The following RGS10 variants were observed in gnomAD, a reference collection of about 807,000 sequenced individuals.
RGS10 encodes regulator of G-protein signalling 10.
A neutral mutation model predicts 23.5 loss-of-function variants in RGS10; 11 were observed. The ratio of observed to expected loss-of-function variants is 0.47; its 90% CI spans 0.29 to 0.77. RGS10 has a LOEUF of 0.77. Among genes scored for constraint, RGS10 ranks in the 30% least tolerant of loss-of-function variants. The probability of loss-of-function intolerance (pLI) is 0.08; values close to 1 mark genes in which losing one functional copy is unlikely to be tolerated. For synonymous variants in RGS10, 77 were observed against 83.2 expected, an observed-to-expected ratio of 0.92 and a Z score of 0.41; for missense variants, 180 against 226.3, an observed-to-expected ratio of 0.80 and a Z score of 1.31.
intron 4 of RGS10, among the ~76,000 whole-genome samples, chr10:119,513,562 G>C (rs1470437894): frequency 1.3e-5 from 2 of 151,914 alleles, no homozygotes; most frequent in Non-Finnish European, 2.9e-5. Flanking sequence ...TTCTGTGCTG[G>C]CTAAGCCTCC....
chr10:119,536,631 G>T, intron 1 of RGS10: 1 of 753,800 alleles, frequency 1.3e-6, no homozygotes. Context: ...CTAAACAACA[G>T]ATGGCCACTG....
At chr10:119,509,757 CA>C (rs1430793897) in intron 4 of RGS10, among the ~76,000 whole-genome samples, 1 of 152,150 alleles carries the variant, frequency 6.6e-6, no homozygotes, top group Non-Finnish European at 1.5e-5. Context: ...AGTATTTGCC[CA>C]AAGCCCCATG....
intron 4 of RGS10, among the ~76,000 whole-genome samples, chr10:119,501,981 C>A (rs1843957874): frequency 6.6e-6 from 1 of 152,056 alleles, no homozygotes; most frequent in Admixed American, 6.6e-5. Context: ...GCCTGCCCAT[C>A]CCCTGGTGCC....
At chr10:119,541,121 G>A (rs762376710) in intron 1 of RGS10, among the ~76,000 whole-genome samples, 4 of 152,208 alleles carry the variant, frequency 2.6e-5, no homozygotes, top group South Asian at 2.1e-4. Flanking sequence ...TCACTGAAAC[G>A]GAGGCACAGA....
chr10:119,539,158 C>T (rs1034104028), intron 1 of RGS10, among the ~76,000 whole-genome samples: 1 of 152,196 alleles, frequency 6.6e-6, no homozygotes, highest in Non-Finnish European at 1.5e-5. Context: ...CAAGGCCCTT[C>T]GGCTGGCCCC....
chr10:119,535,129 C>T (rs2133960749), intron 1 of RGS10, among the ~76,000 whole-genome samples: 2 of 152,208 alleles, frequency 1.3e-5, no homozygotes, highest in African/African-American at 4.8e-5. Flanking sequence ...CGCTCTTTAC[C>T]AAGGGCTCTA....
Position 119,500,768 on chromosome 10 carries a change from C to T in RGS10, c.400-509G>A, listed in dbSNP as rs188357394. 1.4e-3 allele frequency among the ~76,000 whole-genome samples: 210 copies of T among 151,052 alleles called. 1 individual carries two copies. Among genetic ancestry groups the T allele is most frequent in the African/African-American group, 4.8e-3 (197 of 41,086 alleles). Reference sequence around the variant, plus strand: ...TATTGTACCAGGAGTCAAAATGAGGCGTGCTCACTGCAGGGCAGGGCAGCA... The same window carrying T: ...TATTGTACCAGGAGTCAAAATGAGGTGTGCTCACTGCAGGGCAGGGCAGCA... On this transcript the variant is annotated intron_variant, in intron 4 of 4. Coordinates refer to ENST00000369103, the MANE Select transcript of RGS10 (RefSeq NM_001005339.2).
intron 1 of RGS10, among the ~76,000 whole-genome samples, chr10:119,536,862 A>T (rs185661616): frequency 4.6e-5 from 7 of 151,714 alleles, no homozygotes; most frequent in Admixed American, 3.3e-4. Context: ...TCACCCTCCT[A>T]CTCTGCCTCA....
chr10:119,541,796 G>A (rs1483560707), intron 1 of RGS10, among the ~76,000 whole-genome samples: 1 of 152,202 alleles, frequency 6.6e-6, no homozygotes, highest in Non-Finnish European at 1.5e-5. Context: ...CTCACTCACC[G>A]GGTTGTCCTA....
intron 1 of RGS10, among the ~76,000 whole-genome samples, chr10:119,534,234 C>A (rs990013563): frequency 1.4e-5 from 2 of 142,886 alleles, no homozygotes; most frequent in African/African-American, 5.2e-5. Context: ...CCAGCCTGAG[C>A]AACAAAACAA....
rs1726935006 is a variant in RGS10, at chr10:119,524,729, G to C, written c.255+1303C>G. Among the ~76,000 whole-genome samples the C allele has an allele frequency of 6.6e-6, 1 of 152,136 alleles. No individual in the cohort carries two copies. Among genetic ancestry groups the C allele is most frequent in the African/African-American group, 2.4e-5 (1 of 41,444 alleles). On this transcript the variant is annotated intron_variant, in intron 3 of 4. Coordinates refer to ENST00000369103, the MANE Select transcript of RGS10 (RefSeq NM_001005339.2). The surrounding 1 kb of genome is among the most constrained non-coding windows in gnomAD (Gnocchi z 5.2). ...CAACGTCATCCAGAGGAGAGAAAAA[G>C]CCAGAAAGCAAAATCCAAGGGTCCC...
chr10:119,508,766 T>A (rs771007961), intron 4 of RGS10, among the ~76,000 whole-genome samples: 24 of 152,196 alleles, frequency 1.6e-4, no homozygotes, highest in Non-Finnish European at 3.1e-4. Flanking sequence ...CTTTTCTTTA[T>A]CTTAACAATA....
At chr10:119,518,016 G>A (rs1038589982) in intron 3 of RGS10, among the ~76,000 whole-genome samples, 4 of 152,184 alleles carry the variant, frequency 2.6e-5, no homozygotes, top group East Asian at 1.9e-4. Flanking sequence ...CTGAGACGGC[G>A]ACCACAAGCC....
chr10:119,501,969 G>A (rs1371507932), intron 4 of RGS10, among the ~76,000 whole-genome samples: 1 of 151,996 alleles, frequency 6.6e-6, no homozygotes, highest in African/African-American at 2.4e-5. Context: ...TGTTAAACTA[G>A]CGCCTGCCCA....
chr10:119,513,856 G>A (rs1589835505), intron 4 of RGS10, among the ~76,000 whole-genome samples: 2 of 152,210 alleles, frequency 1.3e-5, no homozygotes, highest in South Asian at 4.1e-4. Context: ...TGGTCATGGG[G>A]GGAGCATGGT....
intron 1 of RGS10, among the ~76,000 whole-genome samples, chr10:119,529,300 A>G (rs1419608638): frequency 2.6e-5 from 4 of 152,072 alleles, no homozygotes; most frequent in African/African-American, 9.7e-5. Context: ...TAAAAATAAA[A>G]AAAAGTAGCT....
chr10:119,525,946 C>T (rs188927727), intron 3 of RGS10, 86 bp downstream of exon 3: 12 of 627,266 alleles, frequency 1.9e-5, no homozygotes, highest in Non-Finnish European at 3.3e-5. Flanking sequence ...TAATATGAAT[C>T]AGGTTTCTTT....
chr10:119,542,513 A>T, intron 1 of RGS10, 77 bp downstream of exon 1: 1 of 1,259,918 alleles, frequency 7.9e-7, no homozygotes, highest in Non-Finnish European at 1.0e-6. Flanking sequence ...GCGCCCGAGC[A>T]CAAGAGGGAG....
rs181884054 is a variant in RGS10, at chr10:119,501,292, C to T, written c.400-1033G>A. Among the ~76,000 whole-genome samples, 9 of 152,310 alleles carry T rather than the reference C, an allele frequency of 5.9e-5. No individual in the cohort carries two copies. The East Asian group carries it at 1.2e-3, about 20-fold the overall frequency. ...AATCCACATGGTTCACCCTGGTACA[C>T]GGAACAACCAAGTGGAAAGTTCCAG... On this transcript the variant is annotated intron_variant, in intron 4 of 4. Coordinates refer to ENST00000369103, the MANE Select transcript of RGS10 (RefSeq NM_001005339.2).
Sources: allele counts gnomAD v4.1 joint callset (sites outside exome capture counted in the v4.1 genomes callset), GRCh38; gene constraint gnomAD v4.1.1; non-coding constraint Gnocchi (gnomAD v3.1); transcripts MANE v1.5; gene names NCBI Gene and HGNC (gene_info 2026-07-23, HGNC 2026-07-21).